Variants in AGBL4 observed in about 807,000 individuals in gnomAD.
AGBL4 encodes cytosolic carboxypeptidase 6.
AGBL4 carries 58 observed loss-of-function variants against 66.4 expected under a neutral mutation model. The observed-to-expected ratio is 0.87, with a 90% CI of 0.71 to 1.09. The LOEUF (loss-of-function observed/expected upper bound fraction) is 1.09. Ranked by LOEUF, AGBL4 falls within the 50% of genes least tolerant of loss-of-function variation. The pLI is 0.00. For missense variants in AGBL4, 579 were observed against 631.0 expected (o/e 0.92, Z 0.88); for synonymous variants, 234 against 222.9 (o/e 1.05, Z -0.44).
chr1:49,292,744 A>C (rs956078678), intron 3 of AGBL4, among the ~76,000 whole-genome samples: 1 of 151,802 alleles, frequency 6.6e-6, no homozygotes, highest in Non-Finnish European at 1.5e-5. Flanking sequence ...CTCTCTGCTG[A>C]GAGCTGAACA....
intron 1 of AGBL4, among the ~76,000 whole-genome samples, chr1:49,852,999 G>C (rs1323790710): frequency 6.6e-6 from 1 of 152,116 alleles, no homozygotes; most frequent in East Asian, 1.9e-4. Context: ...GGTGGAAAGA[G>C]ATATCCATTT....
In AGBL4 at chr1:49,195,978, C is replaced by T. The variant is rs553285218; in HGVS notation, c.377+49792G>A. On this transcript the variant is annotated intron_variant, in intron 4 of 13. Coordinates refer to ENST00000371839, the MANE Select transcript of AGBL4 (RefSeq NM_032785.4). ...GTTTCATAAGGGGCTTTTCTCACTT[C>T]GCTCCTCATTCTTCTCTCTCCTGCC... Among the ~76,000 whole-genome samples the T allele has an allele frequency of 2.2e-4, 33 of 152,200 alleles. 1 individual carries two copies. The highest frequency in any genetic ancestry group is 5.8e-4 in the African/African-American group (24 of 41,540).
At chr1:49,918,002 T>A (rs921656293) in intron 1 of AGBL4, among the ~76,000 whole-genome samples, 1 of 152,004 alleles carries the variant, frequency 6.6e-6, no homozygotes, top group South Asian at 2.1e-4. Context: ...CATAACGAAA[T>A]GAAGGCAGAA....
At chr1:49,894,387 G>A (rs543679936) in intron 1 of AGBL4, among the ~76,000 whole-genome samples, 5 of 152,176 alleles carry the variant, frequency 3.3e-5, no homozygotes, top group African/African-American at 1.2e-4. Context: ...TAAGGCACTA[G>A]GGATCAATTC....
At chr1:49,953,715 C>T (rs1656355328) in intron 1 of AGBL4, among the ~76,000 whole-genome samples, 1 of 151,524 alleles carries the variant, frequency 6.6e-6, no homozygotes, top group Non-Finnish European at 1.5e-5. Flanking sequence ...AAAAAAAAAT[C>T]AGAAATCTGA....
chr1:48,609,213 G>A (rs910916940), intron 9 of AGBL4, among the ~76,000 whole-genome samples: 2 of 152,120 alleles, frequency 1.3e-5, no homozygotes, highest in Non-Finnish European at 2.9e-5. Context: ...TGCATGGCTG[G>A]AAATAAATTT....
chr1:49,355,060 G>C (rs1643990428), intron 3 of AGBL4, among the ~76,000 whole-genome samples: 1 of 152,100 alleles, frequency 6.6e-6, no homozygotes, highest in Non-Finnish European at 1.5e-5. Context: ...AGAATACCCA[G>C]AGAAAAACCA....
intron 9 of AGBL4, among the ~76,000 whole-genome samples, chr1:48,625,724 G>T (rs1044116090): frequency 1.3e-5 from 2 of 152,136 alleles, no homozygotes; most frequent in African/African-American, 2.4e-5. Context: ...TATGTATCTA[G>T]TCAGTAGTTG....
intron 5 of AGBL4, among the ~76,000 whole-genome samples, chr1:48,962,263 A>T (rs1483717809): frequency 6.6e-6 from 1 of 152,230 alleles, no homozygotes; most frequent in East Asian, 1.9e-4. Context: ...AAATTTCTTT[A>T]AAATAGGAGT....
rs554274823 is a variant in AGBL4, at chr1:49,803,529, A to G, written c.157+47867T>C. 1.2e-4 allele frequency among the ~76,000 whole-genome samples: 19 copies of G among 152,330 alleles called. No homozygotes were observed. In the South Asian group the frequency reaches 1.9e-3, roughly 15 times the overall value. ...AATGCATTGTTTATTGAAATTAAAT[A>G]GAATTTTATAAAGATTTGGAATCCT... On this transcript the variant is annotated intron_variant, in intron 2 of 13. Transcript: ENST00000371839.
At chr1:49,566,584 G>T (rs2148863912) in intron 3 of AGBL4, among the ~76,000 whole-genome samples, 1 of 152,302 alleles carries the variant, frequency 6.6e-6, no homozygotes, top group South Asian at 2.1e-4. Flanking sequence ...GTTTGCCTGG[G>T]TATCAGCAGC....
intron 6 of AGBL4, among the ~76,000 whole-genome samples, chr1:48,749,433 T>A (rs1468002093): frequency 6.6e-6 from 1 of 152,136 alleles, no homozygotes; most frequent in African/African-American, 2.4e-5. Flanking sequence ...ACAAAATCGA[T>A]CTTATTATCT....
At chr1:49,672,677 T>C (rs1646500910) in intron 3 of AGBL4, among the ~76,000 whole-genome samples, 1 of 151,594 alleles carries the variant, frequency 6.6e-6, no homozygotes, top group Non-Finnish European at 1.5e-5. Flanking sequence ...TCCCAGCACT[T>C]TGGGAGGCTG....
At chr1:49,956,459 TA>T (rs1656613630) in intron 1 of AGBL4, among the ~76,000 whole-genome samples, 1 of 151,920 alleles carries the variant, frequency 6.6e-6, no homozygotes, top group Non-Finnish European at 1.5e-5. Flanking sequence ...GTTTATTAAA[TA>T]ACCATTTACT....
intron 4 of AGBL4, among the ~76,000 whole-genome samples, chr1:49,159,996 A>G (rs1248919736): frequency 1.3e-5 from 2 of 152,138 alleles, no homozygotes; most frequent in East Asian, 1.9e-4. Flanking sequence ...GCTTCCTTGC[A>G]TTGGGTTAGA....
chr1:49,899,631 C>T (rs1649573429), intron 1 of AGBL4, among the ~76,000 whole-genome samples: 1 of 152,136 alleles, frequency 6.6e-6, no homozygotes. Flanking sequence ...TAAATGACGG[C>T]TTTCTTTGCC....
At chr1:49,505,439 G>T (rs1232715714) in intron 3 of AGBL4, among the ~76,000 whole-genome samples, 4 of 151,568 alleles carry the variant, frequency 2.6e-5, no homozygotes. Context: ...CTCAGCTGTT[G>T]TTTGTCTAGG....
rs1205278617 is a variant in AGBL4, at chr1:48,534,222, C to T, written c.1463G>A (p.Gly488Glu). The T allele has an allele frequency of 5.8e-6, 9 of 1,551,592 alleles. No homozygotes were observed. The highest frequency in any genetic ancestry group is 7.8e-6 in the Non-Finnish European group (9 of 1,146,918). Reference protein sequence around the residue: ...GPASNYPNSKGDKKSSVNHKD... With the variant: ...GPASNYPNSKEDKKSSVNHKD... ...GTGGTTCACTGAGCTCTTCTTGTCC[C>T]CTTTGCTGTTGGGGTAGTTGCTGGC... is the stretch of plus-strand genomic sequence containing the variant. Residue 488 changes from glycine (G) to glutamate (E), a missense_variant, in exon 14 of 14, where the codon GGG becomes GAG. Transcript: ENST00000371839.
At chr1:48,735,622 C>T (rs1426951721) in intron 6 of AGBL4, among the ~76,000 whole-genome samples, 1 of 151,938 alleles carries the variant, frequency 6.6e-6, no homozygotes, top group Non-Finnish European at 1.5e-5. Flanking sequence ...CAAATGACTC[C>T]CTGTCTCTTT....
Sources: gnomAD v4.1 joint callset for allele counts (sites outside exome capture counted in the v4.1 genomes callset) on GRCh38, gnomAD v4.1.1 for gene constraint, MANE v1.5 for transcripts, NCBI Gene and HGNC (gene_info 2026-07-23, HGNC 2026-07-21) for gene names.